The following HPS3 variants were observed in gnomAD, a reference collection of about 807,000 sequenced individuals.
HPS3 encodes the protein BLOC-2 complex member HPS3.
Under a neutral mutation model 110.9 loss-of-function variants are expected in HPS3, and 79 were observed. The ratio of observed to expected loss-of-function variants is 0.71; its 90% CI spans 0.59 to 0.86. The LOEUF (loss-of-function observed/expected upper bound fraction) is 0.86. Ranked by LOEUF, HPS3 falls within the 40% of genes least tolerant of loss-of-function variation. The pLI is 0.00. For missense variants in HPS3, 1,197 were observed against 1,206.2 expected, an observed-to-expected ratio of 0.99 and a Z score of 0.11; for synonymous variants, 428 against 451.0, an observed-to-expected ratio of 0.95 and a Z score of 0.65.
chr3:149,153,344 G>A, intron 6 of HPS3, 150 bp from the exon 7 acceptor site: 1 of 685,012 alleles, frequency 1.5e-6, no homozygotes, highest in South Asian at 1.8e-5. Flanking sequence ...AATCTGGGTT[G>A]GTCTTTTGTT....
At chr3:149,136,777 A>G (rs1462502476) in intron 1 of HPS3, among the ~76,000 whole-genome samples, 2 of 152,232 alleles carry the variant, frequency 1.3e-5, no homozygotes, top group African/African-American at 4.8e-5. Flanking sequence ...AAAGCACACA[A>G]TACAACATGG....
At chr3:149,162,991 A>G (rs1314071837) in intron 13 of HPS3, 113 bp downstream of exon 13, 6 of 893,718 alleles carry the variant, frequency 6.7e-6, no homozygotes, top group Non-Finnish European at 1.1e-5. Context: ...ATTACCAGGT[A>G]TCTTATTTAT....
chr3:149,148,705 A>AT lies in HPS3; in HGVS notation c.1164-1881dup, dbSNP rs879309958. Among the ~76,000 whole-genome samples the AT allele has an allele frequency of 9.1e-4, 133 of 146,388 alleles. 2 individuals carry two copies. Among genetic ancestry groups the AT allele is most frequent in the Admixed American group, 2.2e-3 (32 of 14,682 alleles). On this transcript the variant is annotated intron_variant, in intron 5 of 16. Coordinates refer to ENST00000296051, the MANE Select transcript of HPS3 (RefSeq NM_032383.5). ...CAGGCATGAGCCACCATGCCCGGCC[A>AT]TTTTTTTTTTTTTGTTGTTGTTTTT...
chr3:149,146,395 T>C lies in HPS3; in HGVS notation c.1163+849T>C, dbSNP rs114259941. 3.7e-3 allele frequency among the ~76,000 whole-genome samples: 558 copies of C among 152,316 alleles called. 4 individuals carry two copies. Among genetic ancestry groups the C allele is most frequent in the African/African-American group, 0.013 (529 of 41,562 alleles). ...GGAAGTTACTTCTGGCTAAGTTGTA[T>C]GGGGAAGTTGTGGATAGCTGATTGT... On this transcript the variant is annotated intron_variant, in intron 5 of 16. Coordinates refer to ENST00000296051, the MANE Select transcript of HPS3 (RefSeq NM_032383.5).
intron 1 of HPS3, among the ~76,000 whole-genome samples, chr3:149,138,562 T>TA (rs1722257625): frequency 6.6e-6 from 1 of 152,184 alleles, no homozygotes; most frequent in South Asian, 2.1e-4. Flanking sequence ...GAGGAAAAGA[T>TA]ACATATAGTA....
intron 1 of HPS3, among the ~76,000 whole-genome samples, chr3:149,136,409 A>T (rs1297310632): frequency 1.3e-5 from 2 of 152,142 alleles, no homozygotes; most frequent in African/African-American, 4.8e-5. Context: ...AAGCTTAAAA[A>T]ATTTAGTTCC....
chr3:149,130,962 A>G (rs1721726199), intron 1 of HPS3, among the ~76,000 whole-genome samples: 1 of 152,188 alleles, frequency 6.6e-6, no homozygotes, highest in Non-Finnish European at 1.5e-5. Context: ...ATACTTTACA[A>G]GATGGGTGTA....
rs778074312 is a variant in HPS3, at chr3:149,129,750, G to A, written c.27G>A (p.Pro9=). ...TGGTGCAGCTGTACAACCTGCACCC[G>A]TTCGGGTCGCAGCAGGTGGTGCCCT... MVQLYNLH[P]FGSQQVVPCK... The change falls in exon 1 of 17, where the codon CCG becomes CCA. Residue 9 remains proline (P), a synonymous_variant. Transcript: ENST00000296051. 2.0e-5 allele frequency: 32 copies of A among 1,605,504 alleles called. No homozygotes were observed. In the African/African-American group the frequency reaches 3.7e-4, roughly 19 times the overall value.
intron 4 of HPS3, among the ~76,000 whole-genome samples, chr3:149,144,529 T>C (rs1400534118): frequency 6.6e-6 from 1 of 152,274 alleles, no homozygotes; most frequent in Admixed American, 6.5e-5. Context: ...GATTGCTATG[T>C]CTTTTAAGGC....
rs774178297 is a variant in HPS3 at position 149,145,348 on chromosome 3, A to T, written c.971-6A>T. 6.2e-7 allele frequency: 1 copy of T among 1,604,678 alleles called. No homozygotes were observed. The highest frequency in any genetic ancestry group is 1.7e-5 in the Admixed American group (1 of 60,010). ...GGTGTTTTATTTCTTTCATTTTTGC[A>T]TGCAGGTTCTCTTACATCTGATGGA... is the stretch of plus-strand genomic sequence containing the variant. On this transcript the variant is annotated splice_polypyrimidine_tract_variant and splice_region_variant and intron_variant, in intron 4 of 16. Coordinates refer to ENST00000296051, the MANE Select transcript of HPS3 (RefSeq NM_032383.5).
intron 1 of HPS3, among the ~76,000 whole-genome samples, chr3:149,138,869 A>C (rs1040072804): frequency 2.0e-5 from 3 of 152,212 alleles, no homozygotes; most frequent in Non-Finnish European, 4.4e-5. Context: ...CATTGTGTAG[A>C]GTCAGTGCTA....
intron 1 of HPS3, among the ~76,000 whole-genome samples, chr3:149,138,458 A>T (rs1374782707): frequency 1.3e-5 from 2 of 152,234 alleles, no homozygotes; most frequent in Non-Finnish European, 2.9e-5. Flanking sequence ...AAAGATTAAA[A>T]ATGTATATTT....
At chr3:149,151,650 T>TATGTTGAG (rs1723131653) in intron 6 of HPS3, among the ~76,000 whole-genome samples, 2 of 149,452 alleles carry the variant, frequency 1.3e-5, no homozygotes, top group South Asian at 4.3e-4. Flanking sequence ...TAGGCATTAT[T>TATGTTGAG]ATGTTGAGAT....
rs1010344465 is a variant in HPS3, at chr3:149,172,368, A to C, written c.*146A>C. 3.1e-6 allele frequency: 2 copies of C among 648,742 alleles called. No homozygotes were observed. The highest frequency in any genetic ancestry group is 5.4e-6 in the Non-Finnish European group (2 of 371,922). 40.2% of individuals were successfully genotyped at this position (648,742 alleles called of 1,614,324 possible). On this transcript the variant is annotated 3_prime_UTR_variant, in exon 17 of 17. Coordinates refer to ENST00000296051, the MANE Select transcript of HPS3 (RefSeq NM_032383.5). ...CACACACACACACATATATGATACAAATGCTTTCAGGCTGCTTACCTTACC... is the reference window on the plus strand; with the variant it reads ...CACACACACACACATATATGATACACATGCTTTCAGGCTGCTTACCTTACC...
At chr3:149,141,629 G>T (rs1722478573) in intron 4 of HPS3, among the ~76,000 whole-genome samples, 1 of 150,158 alleles carries the variant, frequency 6.7e-6, no homozygotes, top group African/African-American at 2.5e-5. Flanking sequence ...TACTTCCTGG[G>T]TTCAAGTGAT....
intron 1 of HPS3, among the ~76,000 whole-genome samples, chr3:149,134,248 G>A (rs908320005): frequency 6.6e-6 from 1 of 152,072 alleles, no homozygotes; most frequent in African/African-American, 2.4e-5. Flanking sequence ...TGTCTTTAAT[G>A]GTCATACCTG....
At chr3:149,150,262 G>A (rs918520977) in intron 5 of HPS3, among the ~76,000 whole-genome samples, 2 of 152,154 alleles carry the variant, frequency 1.3e-5, no homozygotes, top group African/African-American at 2.4e-5. Flanking sequence ...TCATTTGTCT[G>A]TAAAATGAAG....
At chr3:149,148,280 A>T (rs539379500) in intron 5 of HPS3, among the ~76,000 whole-genome samples, 32 of 152,222 alleles carry the variant, frequency 2.1e-4, no homozygotes, top group African/African-American at 7.7e-4. Flanking sequence ...AAAGCAATAG[A>T]GATTTTTTTA....
chr3:149,160,665 C>T (rs1414695611), intron 11 of HPS3, among the ~76,000 whole-genome samples: 1 of 152,116 alleles, frequency 6.6e-6, no homozygotes, highest in African/African-American at 2.4e-5. Flanking sequence ...CTTTAGGAGT[C>T]TAGTAGTTGC....
Sources: gnomAD v4.1 joint callset for allele counts (sites outside exome capture counted in the v4.1 genomes callset) on GRCh38, gnomAD v4.1.1 for gene constraint, MANE v1.5 for transcripts, NCBI Gene and HGNC (gene_info 2026-07-23, HGNC 2026-07-21) for gene names.